The following NUAK1 variants were observed in gnomAD, a reference collection of about 807,000 sequenced individuals.
NUAK1 encodes NUAK family SNF1-like kinase 1.
A neutral mutation model predicts 56.9 loss-of-function variants in NUAK1; 26 were observed. The observed-to-expected ratio is 0.46, with a 90% confidence interval of 0.33 to 0.63. NUAK1 has a LOEUF of 0.63. NUAK1 is among the 30% of genes least tolerant of loss of function. The pLI is 0.02. For synonymous variants in NUAK1, 337 were observed against 336.0 expected (o/e 1.00, Z -0.03); for missense variants, 727 against 876.1 (o/e 0.83, Z 2.15).
intron 1 of NUAK1, among the ~76,000 whole-genome samples, chr12:106,132,031 T>C (rs2033083205): frequency 6.6e-6 from 1 of 152,210 alleles, no homozygotes; most frequent in African/African-American, 2.4e-5. Context: ...TCCAGGACTT[T>C]CATGTGGGAA....
chr12:106,121,476 G>A (rs567273589), intron 1 of NUAK1, among the ~76,000 whole-genome samples: 6 of 152,308 alleles, frequency 3.9e-5, no homozygotes, highest in Non-Finnish European at 5.9e-5. Context: ...GAGGCTGGGC[G>A]TGGTAGCCCA....
intron 2 of NUAK1, 63 bp from the exon 3 acceptor site, chr12:106,086,948 A>T: frequency 6.4e-7 from 1 of 1,565,630 alleles, no homozygotes. Context: ...CTTATGCTAC[A>T]GAGAATGCGA....
At chr12:106,122,042 C>G (rs2032983105) in intron 1 of NUAK1, among the ~76,000 whole-genome samples, 1 of 152,148 alleles carries the variant, frequency 6.6e-6, no homozygotes, top group Non-Finnish European at 1.5e-5. Flanking sequence ...TCTGTCTCCT[C>G]CATTAGACCA....
chr12:106,088,660 C>T (rs1394178048), intron 2 of NUAK1, among the ~76,000 whole-genome samples: 1 of 152,198 alleles, frequency 6.6e-6, no homozygotes, highest in Non-Finnish European at 1.5e-5. Flanking sequence ...GCTGGGAGGA[C>T]TTATTGATAC....
At chr12:106,089,894 C>T (rs991502354) in intron 2 of NUAK1, among the ~76,000 whole-genome samples, 3 of 152,206 alleles carry the variant, frequency 2.0e-5, no homozygotes, top group African/African-American at 7.2e-5. Context: ...TGCCTCCCTG[C>T]TGACTGCATT....
chr12:106,116,331 C>T (rs1344567331), intron 1 of NUAK1, among the ~76,000 whole-genome samples: 1 of 152,156 alleles, frequency 6.6e-6, no homozygotes, highest in Non-Finnish European at 1.5e-5. Flanking sequence ...GTCCCAAAAT[C>T]ACTGAGCCTG....
intron 2 of NUAK1, among the ~76,000 whole-genome samples, chr12:106,100,130 A>C (rs1322284840): frequency 1.3e-5 from 2 of 150,668 alleles, no homozygotes; most frequent in Non-Finnish European, 3.0e-5. Context: ...ATGACCTCCC[A>C]GAGTGCTGGG....
intron 1 of NUAK1, among the ~76,000 whole-genome samples, chr12:106,136,057 T>G (rs989814787): frequency 3.3e-5 from 5 of 152,306 alleles, no homozygotes; most frequent in Non-Finnish European, 5.9e-5. Context: ...AGGAGGACTT[T>G]CCTTCCCCAA....
chr12:106,129,775 C>T (rs1048176846), intron 1 of NUAK1, among the ~76,000 whole-genome samples: 2 of 152,154 alleles, frequency 1.3e-5, no homozygotes, highest in African/African-American at 4.8e-5. Flanking sequence ...CTTCCAAATC[C>T]TATTTCTGAT....
chr12:106,070,257 G>T (rs979488745), intron 6 of NUAK1, among the ~76,000 whole-genome samples: 1 of 152,146 alleles, frequency 6.6e-6, no homozygotes, highest in African/African-American at 2.4e-5. Context: ...TGAAAGAGAT[G>T]ATTTCATGGT....
At chr12:106,073,957 T>C (rs1018286497) in intron 4 of NUAK1, among the ~76,000 whole-genome samples, 1 of 152,300 alleles carries the variant, frequency 6.6e-6, no homozygotes, top group South Asian at 2.1e-4. Context: ...TTTCTTGAAG[T>C]GTTTTATGTG....
rs528733344 is a variant in NUAK1, at chr12:106,083,781, GGCTGCGGCTTGGA to G, written c.579+70_579+82del. The G allele has an allele frequency of 1.5e-4, 181 of 1,221,698 alleles. 1 individual carries two copies. Among genetic ancestry groups the G allele is most frequent in the South Asian group, 1.5e-3 (118 of 80,524 alleles). The allele number at this position is 1,221,698 out of a possible 1,614,324, so 75.7% of individuals were successfully genotyped here. ...GTAGGAAGTGGCTGCCTTATTTCCA[GGCTGCGGCTTGGA>G]GCAGGTTAAGCCTCCATCCGGCTGC... On this transcript the variant is annotated intron_variant, in intron 4 of 6. Transcript: ENST00000261402.
At chr12:106,106,832 C>T (rs2032807349) in intron 1 of NUAK1, among the ~76,000 whole-genome samples, 1 of 151,844 alleles carries the variant, frequency 6.6e-6, no homozygotes, top group Non-Finnish European at 1.5e-5. Context: ...GTCGTTTACT[C>T]GAAGAACCCT....
Position 106,086,845 on chromosome 12 carries a change from A to G in NUAK1, c.402T>C (p.Tyr134=), listed in dbSNP as rs1275335007. 3.1e-6 allele frequency: 5 copies of G among 1,614,130 alleles called. No homozygotes were observed. The highest frequency in any genetic ancestry group is 4.2e-6 in the Non-Finnish European group (5 of 1,179,960). The change falls in exon 3 of 7, where the codon TAT becomes TAC. Residue 134 remains tyrosine, a synonymous_variant. Coordinates refer to ENST00000261402, the MANE Select transcript of NUAK1 (RefSeq NM_014840.3). ...NKDKIVIIME[Y]ASKGELYDYI... The stretch of plus-strand genomic sequence containing the variant: ...AATCGTACAGCTCCCCTTTGCTGGC[A>G]TATTCCATGATGATCACAATCTTAT...
At chr12:106,127,334 T>C (rs2033033584) in intron 1 of NUAK1, among the ~76,000 whole-genome samples, 1 of 152,012 alleles carries the variant, frequency 6.6e-6, no homozygotes, top group Non-Finnish European at 1.5e-5. Flanking sequence ...CCAGCTAACT[T>C]TTCAATTTTT....
intron 1 of NUAK1, among the ~76,000 whole-genome samples, chr12:106,120,786 T>C (rs1241698585): frequency 1.3e-5 from 2 of 152,142 alleles, no homozygotes; most frequent in Admixed American, 1.3e-4. Flanking sequence ...TCCAGTGCAA[T>C]GGCTTCGGAC....
Position 106,083,855 on chromosome 12 carries a change from G to A in NUAK1, c.579+9C>T. 1.2e-6 allele frequency: 2 copies of A among 1,613,686 alleles called. No individual in the cohort carries two copies. Among genetic ancestry groups the A allele is most frequent in the Admixed American group, 1.7e-5 (1 of 60,006 alleles). On this transcript the variant is annotated intron_variant, in intron 4 of 6. Transcript: ENST00000261402. Reference sequence around the variant, plus strand: ...CCCTGCATATCAATCGACGACGCAAGGGCTTTACCTTAATATTGCAGTTGT... The same window carrying A: ...CCCTGCATATCAATCGACGACGCAAAGGCTTTACCTTAATATTGCAGTTGT...
intron 4 of NUAK1, among the ~76,000 whole-genome samples, chr12:106,083,192 C>T (rs1356097267): frequency 2.0e-5 from 3 of 152,120 alleles, no homozygotes; most frequent in African/African-American, 4.8e-5. Flanking sequence ...GTCAGCTTCC[C>T]AGGTCTATGG....
In NUAK1 at chr12:106,066,484, C is replaced by A; in HGVS notation, c.*318G>T. 3.0e-6 allele frequency: 1 copy of A among 337,258 alleles called. No individual in the cohort carries two copies. Among genetic ancestry groups the A allele is most frequent in the Non-Finnish European group, 5.5e-6 (1 of 183,248 alleles). The allele number at this position is 337,258 out of a possible 1,614,324, so 20.9% of individuals were successfully genotyped here. A position where few individuals can be genotyped will look rare whatever the true frequency, so the allele number is the denominator to read the frequency against. ...TCTGGATGACTTCTAAGGAAATGCTCCTTCCACATATGCTTCCTCTCCACC... is the reference window on the plus strand; with the variant it reads ...TCTGGATGACTTCTAAGGAAATGCTACTTCCACATATGCTTCCTCTCCACC... On this transcript the variant is annotated 3_prime_UTR_variant, in exon 7 of 7. Coordinates refer to ENST00000261402, the MANE Select transcript of NUAK1 (RefSeq NM_014840.3).
Sources: allele counts gnomAD v4.1 joint callset (sites outside exome capture counted in the v4.1 genomes callset), GRCh38; gene constraint gnomAD v4.1.1; transcripts MANE v1.5; gene names NCBI Gene and HGNC (gene_info 2026-07-23, HGNC 2026-07-21).